AKAP6: variants seen among roughly 807,000 people sequenced by gnomAD.
AKAP6 encodes the protein A-kinase anchoring protein 6.
In AKAP6, 58 loss-of-function variants were observed where a neutral mutation model predicts 188.5. The ratio of observed to expected loss-of-function variants is 0.31; its 90% CI spans 0.25 to 0.38. The LOEUF is 0.38. AKAP6 is among the 10% of genes least tolerant of loss of function. The pLI is 1.00. For missense variants in AKAP6, 2,710 were observed against 2,740.0 expected, an observed-to-expected ratio of 0.99 and a Z score of 0.24; for synonymous variants, 989 against 998.6, an observed-to-expected ratio of 0.99 and a Z score of 0.18.
chr14:32,820,444 C>A (rs2140139861), intron 12 of AKAP6, among the ~76,000 whole-genome samples: 1 of 152,050 alleles, frequency 6.6e-6, no homozygotes, highest in African/African-American at 2.4e-5. Flanking sequence ...CCAAGAAGTC[C>A]AAGGAAACAT....
At chr14:32,751,797 A>C (rs1452146659) in intron 11 of AKAP6, among the ~76,000 whole-genome samples, 1 of 152,180 alleles carries the variant, frequency 6.6e-6, no homozygotes, top group East Asian at 1.9e-4. Context: ...TGCAATTTTT[A>C]ATTCAACAGA....
intron 7 of AKAP6, among the ~76,000 whole-genome samples, chr14:32,670,131 C>G (rs1889119727): frequency 6.6e-6 from 1 of 150,530 alleles, no homozygotes; most frequent in African/African-American, 2.4e-5. Flanking sequence ...ATAAAACTGT[C>G]AGATCTCATG....
rs374564727 is a variant in AKAP6 at position 32,595,661 on chromosome 14, A to C, written c.2470-3749A>C. ...GTAGCCAGAACTATATGTGCATGCC[A>C]CCACACCCAGCTAATTTAGCCTTGT... On this transcript the variant is annotated intron_variant, in intron 5 of 13. Coordinates refer to ENST00000280979, the MANE Select transcript of AKAP6 (RefSeq NM_004274.5). Among the ~76,000 whole-genome samples the C allele has an allele frequency of 9.4e-4, 143 of 152,172 alleles. 3 individuals are homozygous for C. In the South Asian group the frequency reaches 0.029, roughly 30 times the overall value.
chr14:32,679,291 T>C (rs1360678008), intron 8 of AKAP6, among the ~76,000 whole-genome samples: 3 of 152,194 alleles, frequency 2.0e-5, no homozygotes, highest in Non-Finnish European at 4.4e-5. Flanking sequence ...AGGGTAGTGA[T>C]GAAATTGAAT....
chr14:32,384,848 G>T (rs1888477338), intron 1 of AKAP6, among the ~76,000 whole-genome samples: 1 of 152,126 alleles, frequency 6.6e-6, no homozygotes, highest in Non-Finnish European at 1.5e-5. Context: ...CAGGGGTGGG[G>T]AGAGATTAAA....
At chr14:32,418,592 T>TA (rs936849064) in intron 1 of AKAP6, among the ~76,000 whole-genome samples, 7 of 151,948 alleles carry the variant, frequency 4.6e-5, no homozygotes, top group Admixed American at 1.3e-4. Flanking sequence ...ACCTAAATTT[T>TA]AAAAAAAATC....
intron 2 of AKAP6, among the ~76,000 whole-genome samples, chr14:32,444,166 T>G (rs1890682239): frequency 1.3e-5 from 2 of 152,042 alleles, no homozygotes; most frequent in Non-Finnish European, 2.9e-5. Flanking sequence ...CTTAGGGTGA[T>G]TTTGCAAGTG....
intron 12 of AKAP6, among the ~76,000 whole-genome samples, chr14:32,782,790 A>G (rs993354889): frequency 6.6e-6 from 1 of 152,124 alleles, no homozygotes; most frequent in African/African-American, 2.4e-5. Flanking sequence ...TACTGAATTC[A>G]TGGATCAGAG....
intron 9 of AKAP6, among the ~76,000 whole-genome samples, chr14:32,728,187 G>T (rs1276365180): frequency 1.6e-5 from 2 of 129,010 alleles, no homozygotes; most frequent in Non-Finnish European, 3.2e-5. Flanking sequence ...GTTGTAAATA[G>T]ACACATCCCT....
chr14:32,509,551 T>C (rs537465530), intron 2 of AKAP6, among the ~76,000 whole-genome samples: 9 of 152,244 alleles, frequency 5.9e-5, no homozygotes, highest in African/African-American at 2.2e-4. Flanking sequence ...TAAAAAAGTT[T>C]AAAAAAATCC....
intron 1 of AKAP6, among the ~76,000 whole-genome samples, chr14:32,388,366 C>G (rs1010348750): frequency 2.0e-5 from 3 of 151,834 alleles, no homozygotes; most frequent in African/African-American, 7.3e-5. Context: ...TCATTTAGTT[C>G]TGCTCTGATC....
intron 9 of AKAP6, among the ~76,000 whole-genome samples, chr14:32,728,348 TTC>T (rs2030985680): frequency 7.1e-6 from 1 of 140,958 alleles, no homozygotes; most frequent in Admixed American, 7.1e-5. Context: ...TCTCAGTGTA[TTC>T]TATCTATCTA....
At chr14:32,712,379 G>A (rs1358417625) in intron 9 of AKAP6, among the ~76,000 whole-genome samples, 1 of 152,034 alleles carries the variant, frequency 6.6e-6, no homozygotes, top group Non-Finnish European at 1.5e-5. Flanking sequence ...GTTGCTGAAA[G>A]TTGGGGTGGC....
At chr14:32,506,143 A>AAAT (rs1212859872) in intron 2 of AKAP6, among the ~76,000 whole-genome samples, 2 of 152,036 alleles carry the variant, frequency 1.3e-5, no homozygotes, top group Non-Finnish European at 2.9e-5. Context: ...ACTCCATCTC[A>AAAT]AATAATAATA....
intron 8 of AKAP6, among the ~76,000 whole-genome samples, chr14:32,679,536 AGT>A (rs1421274446): frequency 2.0e-5 from 3 of 152,166 alleles, no homozygotes; most frequent in Non-Finnish European, 4.4e-5. Context: ...ATTTTTTTAA[AGT>A]GCTTATAGTT....
intron 7 of AKAP6, among the ~76,000 whole-genome samples, chr14:32,631,807 G>A (rs546581725): frequency 3.0e-4 from 46 of 152,148 alleles, no homozygotes; most frequent in Middle Eastern, 6.8e-3. Context: ...TCTTAAGAAA[G>A]CAAATATAAT....
At chr14:32,748,344 A>G (rs946075092) in intron 11 of AKAP6, among the ~76,000 whole-genome samples, 1 of 152,194 alleles carries the variant, frequency 6.6e-6, no homozygotes, top group Non-Finnish European at 1.5e-5. Context: ...TCTTACAAAC[A>G]GGGATAATGA....
At chr14:32,490,407 T>C (rs900379433) in intron 2 of AKAP6, among the ~76,000 whole-genome samples, 2 of 152,196 alleles carry the variant, frequency 1.3e-5, no homozygotes, top group African/African-American at 4.8e-5. Context: ...TTTAAAAATT[T>C]CTTTCAAACA....
intron 12 of AKAP6, among the ~76,000 whole-genome samples, chr14:32,798,553 T>A (rs2140079881): frequency 6.6e-6 from 1 of 152,192 alleles, no homozygotes; most frequent in South Asian, 2.1e-4. Flanking sequence ...TAAAAAAGAA[T>A]GAGATATGTC....
Sources: allele counts gnomAD v4.1 joint callset (sites outside exome capture counted in the v4.1 genomes callset), GRCh38; gene constraint gnomAD v4.1.1; transcripts MANE v1.5; gene names NCBI Gene and HGNC (gene_info 2026-07-23, HGNC 2026-07-21).